The following GAREM1 variants were observed in gnomAD, a reference collection of about 807,000 sequenced individuals.
GAREM1 encodes the protein GRB2 associated regulator of MAPK1 subtype 1, also known as GRB2-associated and regulator of MAPK protein 1.
GAREM1 carries 26 observed loss-of-function variants against 71.3 expected under a neutral mutation model. That is an observed-to-expected ratio of 0.36 (90% CI 0.27 to 0.51). The LOEUF (loss-of-function observed/expected upper bound fraction) is 0.51, where lower values mean the gene tolerates loss of function less well. Among genes scored for constraint, GAREM1 ranks in the 20% least tolerant of loss-of-function variants. The probability of loss-of-function intolerance (pLI) is 0.95; values close to 1 mark genes in which losing one functional copy is unlikely to be tolerated. For synonymous variants in GAREM1, 440 were observed against 433.2 expected, an observed-to-expected ratio of 1.02 and a Z score of -0.20; for missense variants, 1,026 against 1,103.1, an observed-to-expected ratio of 0.93 and a Z score of 0.99.
chr18:32,412,184 T>A, intron 1 of GAREM1: 12 of 1,541,756 alleles, frequency 7.8e-6, no homozygotes, highest in Non-Finnish European at 9.7e-6. Flanking sequence ...CTTCTCTGGC[T>A]CTCCTCTCCT....
At chr18:32,399,458 G>A (rs201729424) in intron 1 of GAREM1, among the ~76,000 whole-genome samples, 16 of 152,160 alleles carry the variant, frequency 1.1e-4, no homozygotes, top group Middle Eastern at 3.4e-3. Context: ...TAAGCTGATA[G>A]GCAACTTCAG....
chr18:32,449,643 C>G (rs920436396), intron 1 of GAREM1, among the ~76,000 whole-genome samples: 2 of 152,116 alleles, frequency 1.3e-5, no homozygotes, highest in Admixed American at 6.5e-5. Flanking sequence ...CCAGTCTGGG[C>G]AACAGAGTGA....
rs568027497 is a variant in GAREM1 at position 32,294,890 on chromosome 18, T to C, written c.394-6687A>G. ...GTGTTTCAGATTTTAATGAGAATAT[T>C]GTGTTTTAATATAAAAATACGATAA... On this transcript the variant is annotated intron_variant, in intron 3 of 5. Coordinates refer to ENST00000269209, the MANE Select transcript of GAREM1 (RefSeq NM_001242409.2). Among the ~76,000 whole-genome samples, 767 of 152,306 alleles carry C rather than the reference T, an allele frequency of 5.0e-3. 6 individuals are homozygous for C. Among genetic ancestry groups the C allele is most frequent in the African/African-American group, 0.018 (742 of 41,566 alleles).
intron 2 of GAREM1, among the ~76,000 whole-genome samples, chr18:32,345,909 T>C (rs1241821623): frequency 6.6e-6 from 1 of 152,202 alleles, no homozygotes; most frequent in Non-Finnish European, 1.5e-5. Flanking sequence ...TATATCACAC[T>C]TTGGGCTGGT....
intron 1 of GAREM1, among the ~76,000 whole-genome samples, chr18:32,419,108 G>T (rs1278995084): frequency 6.6e-6 from 1 of 152,122 alleles, no homozygotes; most frequent in Non-Finnish European, 1.5e-5. Flanking sequence ...ACTGGAAACT[G>T]CTCTTGATTC....
intron 1 of GAREM1, among the ~76,000 whole-genome samples, chr18:32,393,317 G>T (rs2048221174): frequency 6.6e-6 from 1 of 151,636 alleles, no homozygotes; most frequent in Non-Finnish European, 1.5e-5. Flanking sequence ...ATGTTTTAAT[G>T]ATAATAAAAC....
rs376483211 is a variant in GAREM1, at chr18:32,314,464, G to A, written c.263-4141C>T. On this transcript the variant is annotated intron_variant, in intron 2 of 5. Coordinates refer to ENST00000269209, the MANE Select transcript of GAREM1 (RefSeq NM_001242409.2). ...GTAAAATGGGGACACTTCAAGGGCC[G>A]CCATGAGGATTAAATGATATGACGC... 9.2e-5 allele frequency among the ~76,000 whole-genome samples: 14 copies of A among 152,286 alleles called. No homozygotes were observed. In the South Asian group the frequency reaches 1.0e-3, roughly 11 times the overall value.
chr18:32,324,971 TAG>T (rs2047461742), intron 2 of GAREM1, among the ~76,000 whole-genome samples: 1 of 152,224 alleles, frequency 6.6e-6, no homozygotes, highest in South Asian at 2.1e-4. Context: ...TTTTATTTTT[TAG>T]ACAGAGTCTT....
chr18:32,317,922 C>T (rs1474838476), intron 2 of GAREM1, among the ~76,000 whole-genome samples: 3 of 137,992 alleles, frequency 2.2e-5, no homozygotes, highest in South Asian at 2.3e-4. Flanking sequence ...CATGGAGGAA[C>T]TAATTTTTTA....
At chr18:32,318,575 G>A (rs1332361142) in intron 2 of GAREM1, among the ~76,000 whole-genome samples, 1 of 152,160 alleles carries the variant, frequency 6.6e-6, no homozygotes, top group African/African-American at 2.4e-5. Flanking sequence ...GTTTGCTTCT[G>A]GTTGGGAAGT....
At chr18:32,319,292 T>C (rs1298564623) in intron 2 of GAREM1, among the ~76,000 whole-genome samples, 2 of 152,168 alleles carry the variant, frequency 1.3e-5, no homozygotes, top group African/African-American at 4.8e-5. Flanking sequence ...TTTCAATAAG[T>C]AAATAAACCT....
Position 32,448,920 on chromosome 18 carries a change from C to G in GAREM1, c.121+21388G>C, listed in dbSNP as rs149587538. Among the ~76,000 whole-genome samples, 211 of 152,252 alleles carry G rather than the reference C, an allele frequency of 1.4e-3. 1 individual carries two copies. The highest frequency in any genetic ancestry group is 4.6e-3 in the African/African-American group (191 of 41,558). Reference sequence around the variant, plus strand: ...GTTCTTTTTATTTCAATAGCGGGATCAGACCTCTCCTTGGTATTTTTGCTT... The same window carrying G: ...GTTCTTTTTATTTCAATAGCGGGATGAGACCTCTCCTTGGTATTTTTGCTT... On this transcript the variant is annotated intron_variant, in intron 1 of 5. Transcript: ENST00000269209.
intron 1 of GAREM1, among the ~76,000 whole-genome samples, chr18:32,415,673 AC>A (rs2048459676): frequency 6.6e-6 from 1 of 152,052 alleles, no homozygotes; most frequent in Non-Finnish European, 1.5e-5. Context: ...AGCTCAACAT[AC>A]CTTTATGATA....
At chr18:32,348,973 T>G (rs898932595) in intron 2 of GAREM1, among the ~76,000 whole-genome samples, 2 of 152,170 alleles carry the variant, frequency 1.3e-5, no homozygotes, top group Non-Finnish European at 1.5e-5. Context: ...TTCACAGAAT[T>G]TATCTTATTT....
intron 2 of GAREM1, among the ~76,000 whole-genome samples, chr18:32,310,696 C>A (rs913551754): frequency 6.6e-6 from 1 of 152,034 alleles, no homozygotes; most frequent in East Asian, 1.9e-4. Context: ...AGTTGTTGTA[C>A]GAACCACACA....
At chr18:32,411,995 C>A (rs2048423580) in intron 1 of GAREM1, among the ~76,000 whole-genome samples, 1 of 152,092 alleles carries the variant, frequency 6.6e-6, no homozygotes, top group Admixed American at 6.6e-5. Context: ...TTTACACTTT[C>A]CACAGAACAG....
At chr18:32,434,713 A>C (rs1187182777) in intron 1 of GAREM1, among the ~76,000 whole-genome samples, 1 of 152,158 alleles carries the variant, frequency 6.6e-6, no homozygotes, top group Admixed American at 6.5e-5. Context: ...ATTAGTAAAC[A>C]TAGAAGGAAG....
intron 2 of GAREM1, among the ~76,000 whole-genome samples, chr18:32,329,779 G>C (rs1329102544): frequency 6.6e-6 from 1 of 150,710 alleles, no homozygotes; most frequent in Non-Finnish European, 1.5e-5. Context: ...AATTTCATTG[G>C]ACTATGGTGG....
chr18:32,271,773 G>A (rs1416662705), intron 4 of GAREM1, among the ~76,000 whole-genome samples: 2 of 152,118 alleles, frequency 1.3e-5, no homozygotes, highest in African/African-American at 2.4e-5. Context: ...TGCTGTCCAT[G>A]GCTTCTCTGA....
Sources: gnomAD v4.1 joint callset for allele counts (sites outside exome capture counted in the v4.1 genomes callset) on GRCh38, gnomAD v4.1.1 for gene constraint, MANE v1.5 for transcripts, NCBI Gene and HGNC (gene_info 2026-07-23, HGNC 2026-07-21) for gene names.